Variants in MED13L observed in about 807,000 individuals in gnomAD.
MED13L encodes the protein mediator of RNA polymerase II transcription subunit 13-like.
Under a neutral mutation model 220.9 loss-of-function variants are expected in MED13L, and 7 were observed. That is an observed-to-expected ratio of 0.03 (90% CI 0.02 to 0.06). The LOEUF is 0.06. Ranked by LOEUF, MED13L falls within the 10% of genes least tolerant of loss-of-function variation. The probability of loss-of-function intolerance (pLI) is 1.00; values close to 1 mark genes in which losing one functional copy is unlikely to be tolerated. For synonymous variants in MED13L, 1,011 were observed against 1,015.2 expected, an observed-to-expected ratio of 1.00 and a Z score of 0.08; for missense variants, 1,965 against 2,760.5, an observed-to-expected ratio of 0.71 and a Z score of 6.46.
intron 2 of MED13L, among the ~76,000 whole-genome samples, chr12:116,208,834 G>A (rs1468491800): frequency 6.6e-6 from 1 of 152,056 alleles, no homozygotes; most frequent in Non-Finnish European, 1.5e-5. Context: ...GCCACGCATG[G>A]TGGTGTGCAC....
At chr12:115,994,457 C>A (rs1003404772) in intron 16 of MED13L, among the ~76,000 whole-genome samples, 1 of 151,784 alleles carries the variant, frequency 6.6e-6, no homozygotes, top group African/African-American at 2.4e-5. Flanking sequence ...CTCCAAAAAA[C>A]CCCCCCAAAA....
intron 2 of MED13L, among the ~76,000 whole-genome samples, chr12:116,128,475 T>C (rs1875791471): frequency 6.6e-6 from 1 of 151,636 alleles, no homozygotes; most frequent in African/African-American, 2.4e-5. Context: ...TAAATTAAAA[T>C]ACCACAATAA....
At chr12:116,014,875 T>C (rs550170849) in intron 8 of MED13L, among the ~76,000 whole-genome samples, 8 of 152,340 alleles carry the variant, frequency 5.3e-5, no homozygotes, top group African/African-American at 1.7e-4. Flanking sequence ...CATGCCAATC[T>C]GTACAGTATC....
chr12:116,231,618 T>A (rs193205079), intron 2 of MED13L, among the ~76,000 whole-genome samples: 1 of 152,146 alleles, frequency 6.6e-6, no homozygotes, highest in Non-Finnish European at 1.5e-5. Flanking sequence ...GCTAAGACAA[T>A]TGGGAAATTT....
intron 16 of MED13L, among the ~76,000 whole-genome samples, chr12:115,993,552 TAA>T (rs199767263): frequency 2.1e-5 from 3 of 141,152 alleles, no homozygotes; most frequent in Non-Finnish European, 3.1e-5. Flanking sequence ...TGAGTACAGA[TAA>T]AAAAAAAAAA....
intron 1 of MED13L, among the ~76,000 whole-genome samples, chr12:116,240,728 G>A (rs1466984040): frequency 6.7e-6 from 1 of 149,630 alleles, no homozygotes; most frequent in East Asian, 2.1e-4. Context: ...AGTAGAGACG[G>A]GGGGGTTTCA....
intron 3 of MED13L, 140 bp from the exon 4 acceptor site, chr12:116,096,892 A>T (rs1180559218): frequency 2.9e-6 from 2 of 687,894 alleles, no homozygotes; most frequent in East Asian, 5.5e-5. Flanking sequence ...ATCACTTAAA[A>T]TTTTTACGTT....
At chr12:116,219,475 A>T (rs936992216) in intron 2 of MED13L, among the ~76,000 whole-genome samples, 1 of 152,186 alleles carries the variant, frequency 6.6e-6, no homozygotes, top group African/African-American at 2.4e-5. Flanking sequence ...TCAATTCATT[A>T]ATTTTATTAA....
intron 8 of MED13L, 54 bp from the exon 9 acceptor site, chr12:116,012,955 G>C (rs1044925281): frequency 7.8e-7 from 1 of 1,288,278 alleles, no homozygotes. Context: ...ATACCCCTGG[G>C]GAGAAAAATG....
At chr12:116,104,523 T>C (rs1454078658) in intron 3 of MED13L, among the ~76,000 whole-genome samples, 1 of 152,252 alleles carries the variant, frequency 6.6e-6, no homozygotes, top group Non-Finnish European at 1.5e-5. Context: ...AAGGCAATTT[T>C]ACAGCTGTGT....
Position 116,012,708 on chromosome 12 carries a change from A to C in MED13L, c.1280+89T>G, listed in dbSNP as rs999973523. The C allele has an allele frequency of 7.4e-6, 7 of 940,556 alleles. No individual in the cohort carries two copies. In the African/African-American group the frequency reaches 1.1e-4, roughly 15 times the overall value. The allele number at this position is 940,556 out of a possible 1,614,324, so 58.3% of individuals were successfully genotyped here. A position where few individuals can be genotyped will look rare whatever the true frequency, so the allele number is the denominator to read the frequency against. Reference sequence around the variant, plus strand: ...CTCTACTGGAGGAGAATGGAGAATCAGGAAGAACTGATCTGTGAGGCCAGG... The same window carrying C: ...CTCTACTGGAGGAGAATGGAGAATCCGGAAGAACTGATCTGTGAGGCCAGG... On this transcript the variant is annotated intron_variant, in intron 9 of 30. Coordinates refer to ENST00000281928, the MANE Select transcript of MED13L (RefSeq NM_015335.5).
chr12:116,095,757 T>C (rs1226485447), intron 4 of MED13L, among the ~76,000 whole-genome samples: 1 of 152,194 alleles, frequency 6.6e-6, no homozygotes, highest in East Asian at 1.9e-4. Flanking sequence ...CAACTTATGA[T>C]TCCAACTACA....
At chr12:116,196,975 T>C (rs1198697519) in intron 2 of MED13L, among the ~76,000 whole-genome samples, 2 of 152,220 alleles carry the variant, frequency 1.3e-5, no homozygotes, top group Admixed American at 6.5e-5. Flanking sequence ...TGGGAATCTT[T>C]CAAAGATATA....
At chr12:116,224,702 G>A (rs1868785882) in intron 2 of MED13L, among the ~76,000 whole-genome samples, 1 of 152,150 alleles carries the variant, frequency 6.6e-6, no homozygotes, top group African/African-American at 2.4e-5. Flanking sequence ...TTTTGAGACA[G>A]GGTCTCAATC....
intron 2 of MED13L, chr12:116,169,367 T>C (rs999949903): frequency 2.6e-5 from 4 of 152,256 alleles, no homozygotes; most frequent in African/African-American, 2.4e-5. Context: ...ATTAAATTTT[T>C]TGCTAAATAA....
chr12:116,149,939 A>G (rs1565901269), intron 2 of MED13L, among the ~76,000 whole-genome samples: 1 of 152,228 alleles, frequency 6.6e-6, no homozygotes, highest in Non-Finnish European at 1.5e-5. Flanking sequence ...GAAAGGTGTG[A>G]TATTTCTTTC....
intron 4 of MED13L, among the ~76,000 whole-genome samples, chr12:116,062,373 C>T (rs1189030918): frequency 6.6e-6 from 1 of 151,968 alleles, no homozygotes; most frequent in African/African-American, 2.4e-5. Flanking sequence ...AGGCTTGTCT[C>T]GAACACCTGA....
chr12:116,079,344 A>T lies in MED13L; in HGVS notation c.479+17325T>A, dbSNP rs137922695. On this transcript the variant is annotated intron_variant, in intron 4 of 30. Coordinates refer to ENST00000281928, the MANE Select transcript of MED13L (RefSeq NM_015335.5). ...AGCAGTCCTCCCACCTCAGCCTCCCAAGTAGCTGGGACTACAGGTACACAA... is the reference window on the plus strand; with the variant it reads ...AGCAGTCCTCCCACCTCAGCCTCCCTAGTAGCTGGGACTACAGGTACACAA... Among the ~76,000 whole-genome samples, 1,350 of 152,020 alleles carry T rather than the reference A, an allele frequency of 8.9e-3. 9 individuals carry two copies. The highest frequency in any genetic ancestry group is 0.014 in the Non-Finnish European group (965 of 67,986).
intron 9 of MED13L, among the ~76,000 whole-genome samples, chr12:116,009,994 ACT>A (rs1592943859): frequency 6.6e-6 from 1 of 152,204 alleles, no homozygotes; most frequent in Admixed American, 6.5e-5. Flanking sequence ...TGTAGTAGTA[ACT>A]CTCTGAGGCC....
Sources: gnomAD v4.1 joint callset for allele counts (sites outside exome capture counted in the v4.1 genomes callset) on GRCh38, gnomAD v4.1.1 for gene constraint, MANE v1.5 for transcripts, NCBI Gene and HGNC (gene_info 2026-07-23, HGNC 2026-07-21) for gene names.